RSPH10B: variants seen among roughly 807,000 people sequenced by gnomAD.
RSPH10B encodes radial spoke head 10 homolog B (Chlamydomonas).
In RSPH10B, 7 loss-of-function variants were observed where a neutral mutation model predicts 52.5. The ratio of observed to expected loss-of-function variants is 0.13; its 90% CI spans 0.08 to 0.25. The LOEUF is 0.25. RSPH10B is among the 10% of genes least tolerant of loss of function. The pLI is 1.00. For synonymous variants in RSPH10B, 28 were observed against 193.2 expected (o/e 0.14, Z 7.09); for missense variants, 89 against 542.5 (o/e 0.16, Z 8.30).
chr7:5,926,913 C>T (rs1380828835), intron 18 of RSPH10B, among the ~76,000 whole-genome samples: 6 of 143,998 alleles, frequency 4.2e-5, no homozygotes, highest in Admixed American at 1.4e-4. Flanking sequence ...CGCTACCACG[C>T]CCGGCTAATA....
At chr7:5,928,798 G>A (rs1165297944) in intron 17 of RSPH10B, among the ~76,000 whole-genome samples, 2 of 150,372 alleles carry the variant, frequency 1.3e-5, no homozygotes, top group Non-Finnish European at 2.9e-5. Context: ...GCTAATTTTT[G>A]TATTTTTAGT....
At chr7:5,927,049 TA>T (rs1442498531) in intron 18 of RSPH10B, among the ~76,000 whole-genome samples, 5,821 of 52,068 alleles carry the variant, frequency 0.11, 9 homozygotes, top group Middle Eastern at 0.21. Flanking sequence ...GTGTGTGTAT[TA>T]TGTGTGTGTG....
intron 7 of RSPH10B, among the ~76,000 whole-genome samples, chr7:5,954,666 G>A (rs1225079088): frequency 1.0e-4 from 1 of 9,938 alleles, no homozygotes; most frequent in Admixed American, 1.0e-3. Context: ...AAGTGACATG[G>A]TGGGAGATAT....
At chr7:5,927,070 A>ATGTGTGTGTGTGTG (rs748036363) in intron 18 of RSPH10B, among the ~76,000 whole-genome samples, 8 of 110,684 alleles carry the variant, frequency 7.2e-5, no homozygotes, top group South Asian at 3.0e-4. Flanking sequence ...GTGTGTGTAT[A>ATGTGTGTGTGTGTG]TGTGTGTGTG....
exon 18 of RSPH10B, chr7:5,928,295 T>G: frequency 6.2e-7 from 1 of 1,613,364 alleles, no homozygotes; most frequent in Non-Finnish European, 8.5e-7. Flanking sequence ...TTCTTCACGT[T>G]TATACGCATG....
rs913821195 is a variant in RSPH10B at position 5,941,277 on chromosome 7, G to A, written c.1758+2047C>T. Among the ~76,000 whole-genome samples, 106 of 143,192 alleles carry A rather than the reference G, an allele frequency of 7.4e-4. 5 individuals carry two copies. Among genetic ancestry groups the A allele is most frequent in the Non-Finnish European group, 1.1e-3 (72 of 64,282 alleles). 93.9% of individuals were successfully genotyped at this position (143,192 alleles called of 152,430 possible). On this transcript the variant is annotated intron_variant, in intron 13 of 18. Transcript: ENST00000337579. ...AGATTGCACCACTGTACTCCAGCCT[G>A]GGTGACAGAGTGAGAACCTTGCTCA...
intron 18 of RSPH10B, chr7:5,927,990 A>T: frequency 1.3e-6 from 1 of 783,750 alleles, no homozygotes; most frequent in Non-Finnish European, 2.1e-6. Flanking sequence ...AGATGCTCCC[A>T]TTATCCCATT....
intron 13 of RSPH10B, among the ~76,000 whole-genome samples, chr7:5,942,070 T>G (rs1780223019): frequency 6.7e-6 from 1 of 149,168 alleles, no homozygotes; most frequent in South Asian, 2.1e-4. Flanking sequence ...TTTTTTTGTA[T>G]TTTTAGTCGA....
chr7:5,941,899 G>GTT (rs1199623695), intron 13 of RSPH10B, among the ~76,000 whole-genome samples: 2 of 145,742 alleles, frequency 1.4e-5, no homozygotes, highest in African/African-American at 5.0e-5. Context: ...CACTTCCTTA[G>GTT]TTTTTTTTTT....
intron 18 of RSPH10B, among the ~76,000 whole-genome samples, chr7:5,927,555 G>A (rs1218003513): frequency 7.7e-6 from 1 of 130,094 alleles, no homozygotes; most frequent in East Asian, 2.6e-4. Context: ...CCAGCGAGAA[G>A]CTATCGAGGG....
chr7:5,958,257 C>A (rs1334469303), intron 5 of RSPH10B, among the ~76,000 whole-genome samples: 2 of 151,264 alleles, frequency 1.3e-5, no homozygotes, highest in Admixed American at 1.3e-4. Flanking sequence ...GAGTTTGAGA[C>A]CAGCCTGACC....
rs748036363 is a variant in RSPH10B at position 5,927,070 on chromosome 7, A to ATGTGTGTG, written c.2433-530_2433-523dup. Among the ~76,000 whole-genome samples the ATGTGTGTG allele has an allele frequency of 9.8e-4, 108 of 110,712 alleles. 1 individual carries two copies. The highest frequency in any genetic ancestry group is 1.0e-3 in the Non-Finnish European group (54 of 51,912). The allele number at this position is 110,712 out of a possible 152,430, so 72.6% of individuals were successfully genotyped here. On this transcript the variant is annotated intron_variant, in intron 18 of 18. Coordinates refer to ENST00000337579, the Ensembl canonical transcript of RSPH10B. ...GTATTATGTGTGTGTGTGTGTGTAT[A>ATGTGTGTG]TGTGTGTGTGTGTGTGTGTGTGTGT...
intron 18 of RSPH10B, among the ~76,000 whole-genome samples, chr7:5,927,060 G>GTAT (rs1554284531): frequency 4.1e-5 from 3 of 72,688 alleles, no homozygotes; most frequent in African/African-American, 1.8e-4. Context: ...ATGTGTGTGT[G>GTAT]TGTGTGTATA....
intron 18 of RSPH10B, among the ~76,000 whole-genome samples, chr7:5,927,022 C>CGTGTGTGTGTGTGTGT (rs373901374): frequency 5.0e-4 from 48 of 95,978 alleles, no homozygotes; most frequent in African/African-American, 1.4e-3. Context: ...CCCAAAGTTA[C>CGTGTGTGTGTGTGTGT]GTGTGTGTGT....
chr7:5,931,698 T>TA (rs5882077), intron 17 of RSPH10B, among the ~76,000 whole-genome samples: 85 of 141,144 alleles, frequency 6.0e-4, no homozygotes, highest in East Asian at 1.4e-3. Flanking sequence ...ACCCACCTCT[T>TA]AAAAAAAAAA....
chr7:5,968,362 C>T (rs112834701), upstream of RSPH10B, among the ~76,000 whole-genome samples: 12,114 of 130,788 alleles, frequency 0.093, no homozygotes, highest in Admixed American at 0.17. Flanking sequence ...TGCACTCTAG[C>T]CTCGGCAACA....
intron 1 of RSPH10B, among the ~76,000 whole-genome samples, chr7:5,966,033 T>G (rs1245016691): frequency 1.4e-5 from 1 of 73,132 alleles, no homozygotes; most frequent in Non-Finnish European, 2.7e-5. Flanking sequence ...CGGGTTCAAG[T>G]GATTCTCCCG....
At position 5,927,070 on chromosome 7, in the gene RSPH10B, A is replaced by ATGTGTG. The variant is rs748036363; in HGVS notation, c.2433-528_2433-523dup. Among the ~76,000 whole-genome samples, 996 of 110,668 alleles carry ATGTGTG rather than the reference A, an allele frequency of 9.0e-3. 15 individuals carry two copies. The highest frequency in any genetic ancestry group is 0.027 in the Middle Eastern group (5 of 182). The allele number at this position is 110,668 out of a possible 152,430, so 72.6% of individuals were successfully genotyped here. On this transcript the variant is annotated intron_variant, in intron 18 of 18. Coordinates refer to ENST00000337579, the Ensembl canonical transcript of RSPH10B. ...GTATTATGTGTGTGTGTGTGTGTAT[A>ATGTGTG]TGTGTGTGTGTGTGTGTGTGTGTGT... is the stretch of plus-strand genomic sequence containing the variant.
intron 6 of RSPH10B, 56 bp downstream of exon 8, chr7:5,957,851 G>A: frequency 6.9e-7 from 1 of 1,439,084 alleles, no homozygotes; most frequent in Non-Finnish European, 9.1e-7. Flanking sequence ...TACATGTGTT[G>A]AGAATCGGCG....
Sources: gnomAD v4.1 joint callset for allele counts (sites outside exome capture counted in the v4.1 genomes callset) on GRCh38, gnomAD v4.1.1 for gene constraint, MANE v1.5 for transcripts, NCBI Gene and HGNC (gene_info 2026-07-23, HGNC 2026-07-21) for gene names.